The following GRM8 variants were observed in gnomAD, a reference collection of about 807,000 sequenced individuals.
GRM8 encodes the protein glutamate metabotropic receptor 8.
GRM8 carries 47 observed loss-of-function variants against 87.2 expected under a neutral mutation model. The ratio of observed to expected loss-of-function variants is 0.54; its 90% CI spans 0.43 to 0.69. GRM8 has a LOEUF of 0.69. GRM8 is among the 30% of genes least tolerant of loss of function. The pLI is 0.00. For synonymous variants in GRM8, 396 were observed against 404.5 expected (o/e 0.98, Z 0.25); for missense variants, 1,019 against 1,139.2 (o/e 0.89, Z 1.52).
chr7:126,707,006 C>G (rs1810594512), intron 7 of GRM8, among the ~76,000 whole-genome samples: 1 of 152,090 alleles, frequency 6.6e-6, no homozygotes, highest in African/African-American at 2.4e-5. Flanking sequence ...TACATATTTA[C>G]TACATAAATA....
intron 2 of GRM8, among the ~76,000 whole-genome samples, chr7:127,148,317 C>T (rs1235029875): frequency 6.6e-6 from 1 of 151,460 alleles, no homozygotes. Flanking sequence ...ACCAGAGCAC[C>T]TAAATACATA....
At chr7:126,652,071 A>T (rs1450524466) in intron 7 of GRM8, among the ~76,000 whole-genome samples, 1 of 152,170 alleles carries the variant, frequency 6.6e-6, no homozygotes, top group African/African-American at 2.4e-5. Flanking sequence ...TGTCATGAGT[A>T]TTTCCTCCTT....
intron 3 of GRM8, among the ~76,000 whole-genome samples, chr7:126,944,975 T>C (rs903302743): frequency 2.0e-5 from 3 of 152,130 alleles, no homozygotes; most frequent in African/African-American, 4.8e-5. Flanking sequence ...AACTCAACTG[T>C]GAGTTAAGAT....
intron 9 of GRM8, among the ~76,000 whole-genome samples, chr7:126,521,349 G>A (rs1351976167): frequency 6.6e-6 from 1 of 151,880 alleles, no homozygotes; most frequent in East Asian, 1.9e-4. Context: ...AAAATTCCAA[G>A]TGAAAACATT....
In GRM8 at chr7:126,896,086, T is replaced by C. The variant is rs372215271; in HGVS notation, c.1156+6456A>G. Among the ~76,000 whole-genome samples, 29 of 150,884 alleles carry C rather than the reference T, an allele frequency of 1.9e-4. 1 individual carries two copies. The East Asian group carries it at 3.3e-3, about 17-fold the overall frequency. On this transcript the variant is annotated intron_variant, in intron 6 of 10. Coordinates refer to ENST00000339582, the MANE Select transcript of GRM8 (RefSeq NM_000845.3). ...GCAGCTCTGAGATTAACACTGTGAT[T>C]TGTCAATAATTCACTTTACTTCTCT...
intron 8 of GRM8, among the ~76,000 whole-genome samples, chr7:126,578,218 T>C (rs1023172106): frequency 7.9e-5 from 12 of 152,172 alleles, no homozygotes; most frequent in Admixed American, 2.6e-4. Context: ...ATTTCTGACA[T>C]GTAGGTTTTT....
chr7:127,246,101 A>G (rs770601870), intron 1 of GRM8, among the ~76,000 whole-genome samples: 2 of 152,238 alleles, frequency 1.3e-5, no homozygotes, highest in Non-Finnish European at 2.9e-5. Flanking sequence ...AATCTGATAC[A>G]TTGTCATAAA....
At chr7:126,764,414 C>T (rs953002152) in intron 7 of GRM8, among the ~76,000 whole-genome samples, 23 of 151,828 alleles carry the variant, frequency 1.5e-4, no homozygotes, top group African/African-American at 5.3e-4. Context: ...TTATTATTGT[C>T]TTATTTGACC....
intron 6 of GRM8, among the ~76,000 whole-genome samples, chr7:126,818,532 C>A (rs1793997849): frequency 6.6e-6 from 1 of 152,136 alleles, no homozygotes; most frequent in Non-Finnish European, 1.5e-5. Flanking sequence ...AATCAAATGT[C>A]AAATCTTTCA....
chr7:126,546,217 G>A (rs1365227384), intron 8 of GRM8, among the ~76,000 whole-genome samples: 1 of 152,154 alleles, frequency 6.6e-6, no homozygotes, highest in Non-Finnish European at 1.5e-5. Flanking sequence ...AACCCCGTGA[G>A]TTAAGTATTT....
chr7:127,193,570 A>T (rs1490544872), intron 2 of GRM8, among the ~76,000 whole-genome samples: 3 of 152,218 alleles, frequency 2.0e-5, no homozygotes, highest in Non-Finnish European at 4.4e-5. Context: ...CTCCCATGGC[A>T]TTTCAAGAGG....
intron 9 of GRM8, among the ~76,000 whole-genome samples, chr7:126,529,375 C>T (rs1814441598): frequency 6.6e-6 from 1 of 152,096 alleles, no homozygotes; most frequent in African/African-American, 2.4e-5. Flanking sequence ...TTCATTCAGA[C>T]AGACATTGCT....
At position 127,176,071 on chromosome 7, in the gene GRM8, T is replaced by C. The variant is rs146876217; in HGVS notation, c.510+66624A>G. 2.5e-3 allele frequency among the ~76,000 whole-genome samples: 379 copies of C among 152,328 alleles called. 4 individuals are homozygous for C. Among genetic ancestry groups the C allele is most frequent in the African/African-American group, 8.7e-3 (360 of 41,572 alleles). On this transcript the variant is annotated intron_variant, in intron 2 of 10. Coordinates refer to ENST00000339582, the MANE Select transcript of GRM8 (RefSeq NM_000845.3). ...GAGGGAGAAATGAGGGATACTGTTA[T>C]GAGTAAGAACCTGAAGTGCAGATGC...
At chr7:127,216,010 C>T (rs952977696) in intron 2 of GRM8, among the ~76,000 whole-genome samples, 1 of 152,326 alleles carries the variant, frequency 6.6e-6, no homozygotes, top group Admixed American at 6.5e-5. Context: ...AGCTTTGCCA[C>T]TTTGTTATGC....
In GRM8 at chr7:126,533,683, T is replaced by C; in HGVS notation, c.1699A>G (p.Thr567Ala). The C allele has an allele frequency of 6.2e-7, 1 of 1,614,052 alleles. No individual in the cohort carries two copies. The highest frequency in any genetic ancestry group is 8.5e-7 in the Non-Finnish European group (1 of 1,179,984). Residue 567 changes from threonine (T) to alanine (A), a missense_variant, in exon 9 of 11, where the codon ACA becomes GCA. Transcript: ENST00000339582. ...ATGATGGGGATAAGCTGGCAGCCTGTGCGGTTCATGTTGGGTCTCTGATCC... is the reference window on the plus strand; with the variant it reads ...ATGATGGGGATAAGCTGGCAGCCTGCGCGGTTCATGTTGGGTCTCTGATCC... ...PLDQRPNMNR[T>A]GCQLIPIIKL...
chr7:127,082,696 C>T (rs572033901), intron 3 of GRM8, among the ~76,000 whole-genome samples: 8 of 152,228 alleles, frequency 5.3e-5, no homozygotes, highest in Admixed American at 4.6e-4. Context: ...AATGTTTCCT[C>T]GATTATAATA....
chr7:126,460,877 G>C (rs1007124270), intron 9 of GRM8, among the ~76,000 whole-genome samples: 1 of 151,526 alleles, frequency 6.6e-6, no homozygotes, highest in African/African-American at 2.4e-5. Flanking sequence ...CTCAGAACAA[G>C]AGAGTTGTGA....
At chr7:126,838,658 C>G (rs771774336) in intron 6 of GRM8, among the ~76,000 whole-genome samples, 8 of 152,180 alleles carry the variant, frequency 5.3e-5, no homozygotes, top group Non-Finnish European at 1.2e-4. Context: ...TCTCTGCTTT[C>G]TGAAACACTC....
At chr7:126,460,826 C>G (rs1803812585) in intron 9 of GRM8, among the ~76,000 whole-genome samples, 1 of 151,556 alleles carries the variant, frequency 6.6e-6, no homozygotes, top group Non-Finnish European at 1.5e-5. Context: ...CATTTCATGA[C>G]AGTCATTACC....
Sources: gnomAD v4.1 joint callset for allele counts (sites outside exome capture counted in the v4.1 genomes callset) on GRCh38, gnomAD v4.1.1 for gene constraint, MANE v1.5 for transcripts, NCBI Gene and HGNC (gene_info 2026-07-23, HGNC 2026-07-21) for gene names.